LRRCC1: variants seen among roughly 807,000 people sequenced by gnomAD.
LRRCC1 encodes leucine rich repeat and coiled-coil centrosomal protein 1, also known as leucine-rich repeat and coiled-coil domain-containing protein 1.
LRRCC1 carries 115 observed loss-of-function variants against 126.0 expected under a neutral mutation model. The ratio of observed to expected loss-of-function variants is 0.91; its 90% CI spans 0.78 to 1.07. The LOEUF (loss-of-function observed/expected upper bound fraction) is 1.07. Ranked by LOEUF, LRRCC1 falls within the 50% of genes least tolerant of loss-of-function variation. LRRCC1 has a pLI of 0.00. For missense variants in LRRCC1, 1,172 were observed against 1,175.7 expected, an observed-to-expected ratio of 1.00 and a Z score of 0.05; for synonymous variants, 400 against 393.4, an observed-to-expected ratio of 1.02 and a Z score of -0.20.
chr8:85,127,372 T>C (rs1435442511), intron 9 of LRRCC1, among the ~76,000 whole-genome samples: 3 of 152,316 alleles, frequency 2.0e-5, no homozygotes, highest in Admixed American at 1.3e-4. Flanking sequence ...AAAATACCAG[T>C]TTTTTAAATT....
rs1438503535 is a variant in LRRCC1, at chr8:85,145,722, C to A, written c.*211C>A. On this transcript the variant is annotated 3_prime_UTR_variant, in exon 19 of 19. Coordinates refer to ENST00000360375, the MANE Select transcript of LRRCC1 (RefSeq NM_033402.5). ...TGACAATTTTGTCTATTAGAAAAAACTATCATAACTAGACTTACAATATTT... is the reference window on the plus strand; with the variant it reads ...TGACAATTTTGTCTATTAGAAAAAAATATCATAACTAGACTTACAATATTT... The A allele has an allele frequency of 6.5e-6, 2 of 308,346 alleles. No homozygotes were observed. Among genetic ancestry groups the A allele is most frequent in the Non-Finnish European group, 1.2e-5 (2 of 169,132 alleles). The allele number at this position is 308,346 out of a possible 1,614,324, so 19.1% of individuals were successfully genotyped here. A position where few individuals can be genotyped will look rare whatever the true frequency, so the allele number is the denominator to read the frequency against.
At chr8:85,111,484 A>G (rs896014271) in intron 3 of LRRCC1, among the ~76,000 whole-genome samples, 1 of 152,200 alleles carries the variant, frequency 6.6e-6, no homozygotes, top group Non-Finnish European at 1.5e-5. Context: ...AAAAATGTGA[A>G]TGGATAAGAT....
At chr8:85,117,036 G>A (rs1809177980) in intron 6 of LRRCC1, among the ~76,000 whole-genome samples, 1 of 152,092 alleles carries the variant, frequency 6.6e-6, no homozygotes, top group Non-Finnish European at 1.5e-5. Flanking sequence ...CTTTTCTAAT[G>A]GCTGACTCTT....
At position 85,107,362 on chromosome 8, in the gene LRRCC1, T is replaced by A. The variant is rs774905053; in HGVS notation, c.67T>A (p.Cys23Ser). The A allele has an allele frequency of 3.7e-6, 6 of 1,613,864 alleles. No individual in the cohort carries two copies. The highest frequency in any genetic ancestry group is 1.7e-4 in the Middle Eastern group (1 of 6,058). The change falls in exon 1 of 19, where the codon TGC (cysteine) becomes AGC (serine). Residue 23 changes from cysteine to serine, a missense_variant. Cys to Ser is a moderately radical substitution (Grantham distance 112). Coordinates refer to ENST00000360375, the MANE Select transcript of LRRCC1 (RefSeq NM_033402.5). ...EVENEDGDSS[C>S]GDVCFMDKGL... ...GGAAAACGAAGACGGCGACAGCAGC[T>A]GCGGGGATGTATGCTTCATGGACAA...
chr8:85,130,301 ATT>A (rs552764147), intron 11 of LRRCC1, among the ~76,000 whole-genome samples: 5 of 144,124 alleles, frequency 3.5e-5, no homozygotes, highest in Non-Finnish European at 6.1e-5. Flanking sequence ...ATGCTGGCTA[ATT>A]TTTTTTTTTT....
Position 85,137,579 on chromosome 8 carries a change from G to T in LRRCC1, c.2445G>T (p.Lys815Asn). The T allele has an allele frequency of 6.6e-7, 1 of 1,508,874 alleles. No homozygotes were observed. The highest frequency in any genetic ancestry group is 8.8e-7 in the Non-Finnish European group (1 of 1,132,906). 93.5% of individuals were successfully genotyped at this position (1,508,874 alleles called of 1,614,324 possible). ...NESDSDALRI[K>N]CKIIDDQTET... ...GTGATAGTGATGCATTAAGAATAAA[G>T]TGCAAAATCATAGACGACCAAACTG... The change falls in exon 15 of 19, where the codon AAG becomes AAT. Residue 815 changes from lysine to asparagine, a missense_variant. Coordinates refer to ENST00000360375, the MANE Select transcript of LRRCC1 (RefSeq NM_033402.5).
chr8:85,114,970 A>AT, intron 4 of LRRCC1, 130 bp from the exon 5 acceptor site: 1 of 614,746 alleles, frequency 1.6e-6, no homozygotes, highest in South Asian at 3.2e-5. Flanking sequence ...TGAATAAGTA[A>AT]CAAGTTTATT....
rs371160310 is a variant in LRRCC1, at chr8:85,131,761, A to G, written c.1768A>G (p.Lys590Glu). 7 of 1,610,104 alleles carry G rather than the reference A, an allele frequency of 4.3e-6. No homozygotes were observed. The African/African-American group carries it at 9.4e-5, about 22-fold the overall frequency. The change falls in exon 12 of 19, where the codon AAG becomes GAG. Residue 590 changes from lysine to glutamate, a missense_variant and splice_region_variant. Lys to Glu is a moderately conservative substitution (Grantham distance 56). Coordinates refer to ENST00000360375, the MANE Select transcript of LRRCC1 (RefSeq NM_033402.5). ...ATCTTTATATGTTTTTCACTCCAGG[A>G]AGGAACTTGAAACAAGGGAGTTTTT... ...LLALKEQEHR[K>E]ELETREFFTD...
chr8:85,118,431 T>G (rs1809279896), intron 6 of LRRCC1, among the ~76,000 whole-genome samples: 1 of 152,026 alleles, frequency 6.6e-6, no homozygotes, highest in African/African-American at 2.4e-5. Context: ...TAGATGTATG[T>G]TGAGTTTTAT....
chr8:85,116,956 A>G (rs1043561399), intron 6 of LRRCC1, among the ~76,000 whole-genome samples: 1 of 152,162 alleles, frequency 6.6e-6, no homozygotes, highest in Non-Finnish European at 1.5e-5. Flanking sequence ...CCTACATATT[A>G]TTTGACATCA....
At chr8:85,143,055 TG>T (rs1377624172) in intron 18 of LRRCC1, among the ~76,000 whole-genome samples, 1 of 152,072 alleles carries the variant, frequency 6.6e-6, no homozygotes. Flanking sequence ...CTGGGTGCAG[TG>T]TCTCATGCCT....
chr8:85,136,322 T>C (rs1189022561), intron 14 of LRRCC1, among the ~76,000 whole-genome samples: 3 of 152,284 alleles, frequency 2.0e-5, no homozygotes. Context: ...TTGCCCAGGC[T>C]GGAGTGCAGT....
chr8:85,125,639 C>G (rs1030282147), intron 8 of LRRCC1, among the ~76,000 whole-genome samples: 1 of 113,862 alleles, frequency 8.8e-6, no homozygotes. Context: ...CGCCACTGCA[C>G]TCCAGCCTGG....
intron 15 of LRRCC1, 31 bp downstream of exon 15, chr8:85,137,658 G>A (rs1050499482): frequency 2.2e-6 from 3 of 1,360,526 alleles, no homozygotes; most frequent in Non-Finnish European, 2.9e-6. Flanking sequence ...TGGTTAAAGA[G>A]CAAATGGCAG....
chr8:85,126,608 C>G (rs1810019599), intron 8 of LRRCC1, 81 bp from the exon 9 acceptor site: 1 of 1,192,930 alleles, frequency 8.4e-7, no homozygotes, highest in East Asian at 2.4e-5. Flanking sequence ...CTATTATTCC[C>G]CTGTTATAAA....
At position 85,132,846 on chromosome 8, in the gene LRRCC1, A is replaced by T. The variant is rs546952369; in HGVS notation, c.1968+885A>T. ...TCCCACCAAACGTATAGTAGATCCC[A>T]TTTCCTCTTGCCTACTTAAAGATAT... is the stretch of plus-strand genomic sequence containing the variant. On this transcript the variant is annotated intron_variant, in intron 12 of 18. Transcript: ENST00000360375. Among the ~76,000 whole-genome samples the T allele has an allele frequency of 3.9e-5, 6 of 152,222 alleles. No individual in the cohort carries two copies. The South Asian group carries it at 1.2e-3, about 32-fold the overall frequency.
intron 6 of LRRCC1, among the ~76,000 whole-genome samples, chr8:85,116,391 A>G (rs570192209): frequency 1.6e-4 from 24 of 150,944 alleles, no homozygotes; most frequent in African/African-American, 5.8e-4. Context: ...TTTTTTTTTT[A>G]GAGTCAGGGT....
At chr8:85,129,644 A>T (rs1810297523) in intron 10 of LRRCC1, among the ~76,000 whole-genome samples, 1 of 152,226 alleles carries the variant, frequency 6.6e-6, no homozygotes, top group Non-Finnish European at 1.5e-5. Context: ...TGGCTTTTTA[A>T]AAGGCTTTCA....
At chr8:85,129,415 T>G (rs1314250349) in intron 10 of LRRCC1, 36 bp downstream of exon 10, 5 of 1,502,616 alleles carry the variant, frequency 3.3e-6, no homozygotes, top group Middle Eastern at 2.0e-4. Flanking sequence ...TAGCACAGAT[T>G]AACACAAATT....
Sources: gnomAD v4.1 joint callset for allele counts (sites outside exome capture counted in the v4.1 genomes callset) on GRCh38, gnomAD v4.1.1 for gene constraint, MANE v1.5 for transcripts, NCBI Gene and HGNC (gene_info 2026-07-23, HGNC 2026-07-21) for gene names.